ERN2: variants seen among roughly 807,000 people sequenced by gnomAD.
The protein encoded by ERN2 is serine/threonine-protein kinase/endoribonuclease IRE2.
In ERN2, 111 loss-of-function variants were observed where a neutral mutation model predicts 107.9. That is an observed-to-expected ratio of 1.03 (90% CI 0.88 to 1.20). The LOEUF is 1.20. ERN2 is among the 50% of genes most tolerant of loss of function. ERN2 has a pLI of 0.00. For synonymous variants in ERN2, 524 were observed against 501.7 expected, an observed-to-expected ratio of 1.04 and a Z score of -0.59; for missense variants, 1,225 against 1,197.9, an observed-to-expected ratio of 1.02 and a Z score of -0.33.
At position 23,702,187 on chromosome 16, in the gene ERN2, G is replaced by A. The variant is rs1164116918; in HGVS notation, c.1168C>T (p.Pro390Ser). 6.2e-7 allele frequency: 1 copy of A among 1,614,110 alleles called. No individual in the cohort carries two copies. The highest frequency in any genetic ancestry group is 1.1e-5 in the South Asian group (1 of 91,080). The change falls in exon 11 of 22, where the codon CCA becomes TCA. Residue 390 changes from proline (P) to serine (S), a missense_variant. Physicochemically the swap from Pro to Ser is moderately conservative, Grantham distance 74 (BLOSUM62 -1). Transcript: ENST00000256797. ...AAGGCTGGGGCCTGGGTATTCTCTG[G>A]AGGTCTTGTCTCTGCAGTTCCACTC... The part of the protein sequence containing the change: ...LGSGTAETRP[P>S]ENTQAPAFFL...
chr16:23,704,052 T>G (rs1022492094), intron 8 of ERN2, among the ~76,000 whole-genome samples: 1 of 152,214 alleles, frequency 6.6e-6, no homozygotes, highest in Non-Finnish European at 1.5e-5. Flanking sequence ...ACACAGTAAG[T>G]GCTCAATTAA....
chr16:23,691,067 C>G lies in ERN2; in HGVS notation c.2569-24G>C, dbSNP rs1473318294. The G allele has an allele frequency of 1.3e-5, 21 of 1,613,746 alleles. No homozygotes were observed. In the Admixed American group the frequency reaches 3.5e-4, roughly 27 times the overall value. On this transcript the variant is annotated intron_variant, in intron 21 of 21. Transcript: ENST00000256797. ...TTCTGTGGGTAGGTAGAGCAGAGAA[C>G]CCTGGCTCAGCTGCGGCCAGGCCTT... is the stretch of plus-strand genomic sequence containing the variant.
rs749675318 is a variant in ERN2 at position 23,710,158 on chromosome 16, C to G, written c.306+14G>C. 6.3e-7 allele frequency: 1 copy of G among 1,598,710 alleles called. No individual in the cohort carries two copies. The highest frequency in any genetic ancestry group is 8.6e-7 in the Non-Finnish European group (1 of 1,165,988). On this transcript the variant is annotated intron_variant, in intron 4 of 21. Coordinates refer to ENST00000256797, the MANE Select transcript of ERN2 (RefSeq NM_033266.4). ...CTGGCTCTCACCCATTCCCGAACAC[C>G]ATGGGATACAAACCATTAATCCCTG...
At position 23,695,990 on chromosome 16, in the gene ERN2, G is replaced by T. The variant is rs374678257; in HGVS notation, c.1526-12C>A. Reference sequence around the variant, plus strand: ...GGTGAGTTGCTCAGCTGGGGGAGAGGAGGGTGGTGACTCAGGGAGCCTCTG... The same window carrying T: ...GGTGAGTTGCTCAGCTGGGGGAGAGTAGGGTGGTGACTCAGGGAGCCTCTG... On this transcript the variant is annotated splice_polypyrimidine_tract_variant and intron_variant, in intron 13 of 21. Transcript: ENST00000256797. The T allele has an allele frequency of 1.2e-6, 2 of 1,609,890 alleles. No homozygotes were observed. Among genetic ancestry groups the T allele is most frequent in the Non-Finnish European group, 1.7e-6 (2 of 1,176,258 alleles).
chr16:23,702,726 G>A, intron 8 of ERN2, 24 bp from the exon 9 acceptor site: 2 of 1,596,690 alleles, frequency 1.3e-6, no homozygotes, highest in Non-Finnish European at 1.7e-6. Flanking sequence ...AGAAAAAGAA[G>A]AGAAGAATGA....
At position 23,692,270 on chromosome 16, in the gene ERN2, C is replaced by T; in HGVS notation, c.2162G>A (p.Ser721Asn). 1 of 1,614,152 alleles carries T rather than the reference C, an allele frequency of 6.2e-7. No homozygotes were observed. Among genetic ancestry groups the T allele is most frequent in the Non-Finnish European group, 8.5e-7 (1 of 1,180,034 alleles). Reference sequence around the variant, plus strand: ...ATAAAGACTGTCTCCAAAGGGGTGGCTGCCACCAGAAAGCACGTAGTAGAA... The same window carrying T: ...ATAAAGACTGTCTCCAAAGGGGTGGTTGCCACCAGAAAGCACGTAGTAGAA... ...CVFYYVLSGG[S>N]HPFGDSLYRQ... The change falls in exon 18 of 22, where the codon AGC becomes AAC. Residue 721 changes from serine (S) to asparagine (N), a missense_variant. Ser to Asn is a conservative substitution (Grantham distance 46, BLOSUM62 1). Transcript: ENST00000256797.
Position 23,695,964 on chromosome 16 carries a change from C to T in ERN2, c.1540G>A (p.Val514Ile), listed in dbSNP as rs771478005. The T allele has an allele frequency of 1.2e-5, 19 of 1,613,712 alleles. No individual in the cohort carries two copies. Among genetic ancestry groups the T allele is most frequent in the Admixed American group, 8.3e-5 (5 of 59,990 alleles). Reference protein sequence around the residue: ...LDDPEAEQLTVVGKISFNPKD... With the variant: ...LDDPEAEQLTIVGKISFNPKD... ...GGATTGAAGGAAATCTTCCCCACTA[C>T]GGTGAGTTGCTCAGCTGGGGGAGAG... is the stretch of plus-strand genomic sequence containing the variant. Residue 514 changes from valine to isoleucine, a missense_variant, in exon 14 of 22, where the codon GTA becomes ATA. Val to Ile is a conservative substitution (Grantham distance 29). Coordinates refer to ENST00000256797, the MANE Select transcript of ERN2 (RefSeq NM_033266.4).
In ERN2 at chr16:23,702,462, C is replaced by G. The variant is rs1310199568; in HGVS notation, c.1009G>C (p.Glu337Gln). The change falls in exon 10 of 22, where the codon GAG (glutamate) becomes CAG (glutamine). Residue 337 changes from glutamate to glutamine, a missense_variant. By Grantham distance (29) the Glu-to-Gln change is conservative (BLOSUM62 2). Coordinates refer to ENST00000256797, the MANE Select transcript of ERN2 (RefSeq NM_033266.4). ...CTAACAGCAGTGCTGGGTGAGCCCTCTCGCTCTCCTGAGACTTGGAGTGTC... is the reference window on the plus strand; with the variant it reads ...CTAACAGCAGTGCTGGGTGAGCCCTGTCGCTCTCCTGAGACTTGGAGTGTC... ...EVTLQVSGER[E>Q]GSPSTAVRYP... 2 of 1,613,518 alleles carry G rather than the reference C, an allele frequency of 1.2e-6. No individual in the cohort carries two copies. The highest frequency in any genetic ancestry group is 1.6e-4 in the Middle Eastern group (1 of 6,062).
At chr16:23,699,526 C>T (rs899602029) in intron 13 of ERN2, among the ~76,000 whole-genome samples, 2 of 152,150 alleles carry the variant, frequency 1.3e-5, no homozygotes, top group African/African-American at 4.8e-5. Context: ...TGGACTCAAG[C>T]GATCCTCCTG....
At chr16:23,710,110 C>T (rs1960479009) in intron 4 of ERN2, 62 bp downstream of exon 4, 1 of 1,139,874 alleles carries the variant, frequency 8.8e-7, no homozygotes, top group Admixed American at 1.7e-5. Flanking sequence ...CTCCACCTCT[C>T]AGTGCTCCAG....
intron 4 of ERN2, among the ~76,000 whole-genome samples, chr16:23,709,003 C>G (rs1362325171): frequency 6.6e-6 from 1 of 152,224 alleles, no homozygotes; most frequent in African/African-American, 2.4e-5. Flanking sequence ...TGTCCTCAAA[C>G]TATTCTATTT....
At position 23,695,321 on chromosome 16, in the gene ERN2, C is replaced by T; in HGVS notation, c.1679G>A (p.Arg560Gln). Residue 560 changes from arginine (R) to glutamine (Q), a missense_variant, in exon 15 of 22, where the codon CGG becomes CAG. Coordinates refer to ENST00000256797, the MANE Select transcript of ERN2 (RefSeq NM_033266.4). ...LLRECFGLVR[R>Q]EVQLLQESDR... The stretch of plus-strand genomic sequence containing the variant: ...AGACTCCTGCAGCAGTTGAACTTCC[C>T]GCCGAACCAGGCCAAAGCACTCGCG... 2 of 1,613,330 alleles carry T rather than the reference C, an allele frequency of 1.2e-6. No homozygotes were observed. Among genetic ancestry groups the T allele is most frequent in the Admixed American group, 1.7e-5 (1 of 59,898 alleles).
At chr16:23,691,458 C>T (rs1031103822) in intron 19 of ERN2, 33 bp from the exon 20 acceptor site, 15 of 1,592,564 alleles carry the variant, frequency 9.4e-6, no homozygotes, top group South Asian at 3.3e-5. Flanking sequence ...GCCTTGTGAC[C>T]GGGGCCAGAG....
intron 13 of ERN2, among the ~76,000 whole-genome samples, chr16:23,696,418 G>A (rs553071866): frequency 9.9e-5 from 15 of 152,096 alleles, no homozygotes; most frequent in Admixed American, 4.6e-4. Flanking sequence ...ACCTCCACCA[G>A]TTGTAACTGA....
chr16:23,695,741 A>C lies in ERN2; in HGVS notation c.1610+153T>G, dbSNP rs527919790. Among the ~76,000 whole-genome samples the C allele has an allele frequency of 7.3e-5, 11 of 151,444 alleles. No individual in the cohort carries two copies. In the South Asian group the frequency reaches 2.3e-3, roughly 32 times the overall value. On this transcript the variant is annotated intron_variant, in intron 14 of 21. Coordinates refer to ENST00000256797, the MANE Select transcript of ERN2 (RefSeq NM_033266.4). ...AAGACTCAAAAAAAAAAAAAAAAAA[A>C]AAAAAACAGATAAAGGAAAGAGCAG...
chr16:23,707,142 G>T, intron 4 of ERN2, 63 bp from the exon 5 acceptor site: 1 of 1,147,560 alleles, frequency 8.7e-7, no homozygotes, highest in Non-Finnish European at 1.3e-6. Context: ...CACTGTGCCA[G>T]GTGAGCCCAT....
chr16:23,700,684 C>T lies in ERN2; in HGVS notation c.1380G>A (p.Glu460=). 6.2e-7 allele frequency: 1 copy of T among 1,613,326 alleles called. No homozygotes were observed. Among genetic ancestry groups the T allele is most frequent in the Non-Finnish European group, 8.5e-7 (1 of 1,179,618 alleles). Residue 460 remains glutamate, a synonymous_variant, in exon 13 of 22, where the codon GAG becomes GAA. Coordinates refer to ENST00000256797, the MANE Select transcript of ERN2 (RefSeq NM_033266.4). ...GTGCCAGGGGGGTCTCCTGCTGCTT[C>T]TCCACCACCTGCGGCTGTTGCTGTA... The part of the protein sequence containing the change: ...VMRQQQPQVV[E]KQQETPLAPA...
chr16:23,696,026 C>G lies in ERN2; in HGVS notation c.1526-48G>C, dbSNP rs1424492661. On this transcript the variant is annotated intron_variant, in intron 13 of 21. Transcript: ENST00000256797. ...CTCAGGGAGCCTCTGCCCACCTTTGCCGGCCACTGGCCCAGTCCAGACTCA... is the reference window on the plus strand; with the variant it reads ...CTCAGGGAGCCTCTGCCCACCTTTGGCGGCCACTGGCCCAGTCCAGACTCA... The G allele has an allele frequency of 2.1e-6, 3 of 1,431,936 alleles. No individual in the cohort carries two copies. The South Asian group carries it at 3.5e-5, about 17-fold the overall frequency. 88.7% of individuals were successfully genotyped at this position (1,431,936 alleles called of 1,614,324 possible).
At chr16:23,696,040 A>C in intron 13 of ERN2, 62 bp from the exon 14 acceptor site, 2 of 1,253,208 alleles carry the variant, frequency 1.6e-6, no homozygotes, top group Non-Finnish European at 1.2e-6. Flanking sequence ...CCACTGGCCC[A>C]GTCCAGACTC....
Sources: gnomAD v4.1 joint callset for allele counts (sites outside exome capture counted in the v4.1 genomes callset) on GRCh38, gnomAD v4.1.1 for gene constraint, MANE v1.5 for transcripts, NCBI Gene and HGNC (gene_info 2026-07-23, HGNC 2026-07-21) for gene names.